The following AFAP1 variants were observed in gnomAD, a reference collection of about 807,000 sequenced individuals.
AFAP1 encodes the protein actin filament-associated protein 1.
Under a neutral mutation model 93.9 loss-of-function variants are expected in AFAP1, and 75 were observed. The ratio of observed to expected loss-of-function variants is 0.80; its 90% confidence interval spans 0.66 to 0.97. The LOEUF (loss-of-function observed/expected upper bound fraction) is 0.97, where lower values mean the gene tolerates loss of function less well. Ranked by LOEUF, AFAP1 falls within the 50% of genes least tolerant of loss-of-function variation. The probability of loss-of-function intolerance (pLI) is 0.00; values close to 1 mark genes in which losing one functional copy is unlikely to be tolerated. For synonymous variants in AFAP1, 517 were observed against 430.7 expected, an observed-to-expected ratio of 1.20 and a Z score of -2.48; for missense variants, 1,201 against 1,050.8, an observed-to-expected ratio of 1.14 and a Z score of -1.98.
intron 1 of AFAP1, among the ~76,000 whole-genome samples, chr4:7,892,195 A>G (rs1010672354): frequency 2.6e-5 from 4 of 152,236 alleles, no homozygotes; most frequent in Non-Finnish European, 4.4e-5. Flanking sequence ...GGCAAATTTC[A>G]GTAGGGGACA....
intron 1 of AFAP1, among the ~76,000 whole-genome samples, chr4:7,929,208 C>A (rs1489137165): frequency 6.6e-6 from 1 of 152,218 alleles, no homozygotes; most frequent in East Asian, 1.9e-4. Flanking sequence ...CATAAAAGTA[C>A]AACTGAGTTC....
At chr4:7,875,620 CA>C (rs796481960) in intron 1 of AFAP1, among the ~76,000 whole-genome samples, 197 of 69,274 alleles carry the variant, frequency 2.8e-3, no homozygotes, top group Middle Eastern at 9.8e-3. Flanking sequence ...CCCTGACTCT[CA>C]AAAAAAAAAT....
intron 3 of AFAP1, among the ~76,000 whole-genome samples, chr4:7,867,595 G>C (rs945830218): frequency 3.3e-5 from 5 of 152,276 alleles, no homozygotes; most frequent in African/African-American, 1.2e-4. Flanking sequence ...TGCAATCTCT[G>C]CCCCCTCTAC....
chr4:7,830,145 T>C (rs1424262323), intron 6 of AFAP1, among the ~76,000 whole-genome samples: 1 of 152,050 alleles, frequency 6.6e-6, no homozygotes, highest in African/African-American at 2.4e-5. Flanking sequence ...ACCCTTTCTA[T>C]GGGGCGGGGC....
intron 3 of AFAP1, among the ~76,000 whole-genome samples, chr4:7,861,540 T>C (rs746586538): frequency 1.1e-4 from 16 of 152,234 alleles, no homozygotes; most frequent in South Asian, 6.2e-4. Context: ...ACTGGGAAGA[T>C]TGTCTCACAT....
intron 11 of AFAP1, among the ~76,000 whole-genome samples, chr4:7,792,344 T>A (rs1343036126): frequency 6.6e-6 from 1 of 151,706 alleles, no homozygotes; most frequent in Admixed American, 6.6e-5. Context: ...TTATACAACA[T>A]CAAAAAAAAC....
At chr4:7,926,800 A>T (rs184598643) in intron 1 of AFAP1, among the ~76,000 whole-genome samples, 1 of 152,164 alleles carries the variant, frequency 6.6e-6, no homozygotes, top group Non-Finnish European at 1.5e-5. Flanking sequence ...GCAGCAGCGC[A>T]CTATTAGCTC....
chr4:7,920,347 C>G (rs1458456817), intron 1 of AFAP1, among the ~76,000 whole-genome samples: 1 of 152,108 alleles, frequency 6.6e-6, no homozygotes, highest in East Asian at 1.9e-4. Context: ...CATATTCAAC[C>G]CATATACTCT....
At chr4:7,852,420 G>A (rs1560199791) in intron 4 of AFAP1, among the ~76,000 whole-genome samples, 1 of 152,206 alleles carries the variant, frequency 6.6e-6, no homozygotes, top group Non-Finnish European at 1.5e-5. Flanking sequence ...GGCTCCTGCA[G>A]TGGCTGAGGT....
chr4:7,769,391 G>A (rs748692892), intron 16 of AFAP1, among the ~76,000 whole-genome samples: 6 of 152,196 alleles, frequency 3.9e-5, no homozygotes, highest in Admixed American at 3.3e-4. Context: ...TGGGGTCAGC[G>A]CCCTAGAGAT....
At chr4:7,917,383 G>C (rs537630059) in intron 1 of AFAP1, among the ~76,000 whole-genome samples, 19 of 152,314 alleles carry the variant, frequency 1.2e-4, no homozygotes, top group Middle Eastern at 3.4e-3. Context: ...CACTGGAAAA[G>C]ATCTGGAAGG....
At chr4:7,788,890 G>GC (rs1463239425) in intron 11 of AFAP1, 10 of 152,408 alleles carry the variant, frequency 6.6e-5, no homozygotes, top group Non-Finnish European at 1.3e-4. Flanking sequence ...TCCAGCATAT[G>GC]CCCTGCACTC....
chr4:7,784,079 C>CTT (rs10633029), intron 12 of AFAP1, among the ~76,000 whole-genome samples: 128,294 of 151,918 alleles, frequency 0.84, 54,561 homozygotes, highest in African/African-American at 0.94. Flanking sequence ...TGAGAGCCTG[C>CTT]CACAGGCTGG....
rs1714409322 is a variant in AFAP1, at chr4:7,851,307, G to GTT, written c.334+4158_334+4159insAA. ...GGCACTCCATCCTCAAGTCAAAGCGGGTGTGTGACAGCAGGCTCCATCCAC... is the reference window on the plus strand; with the variant it reads ...GGCACTCCATCCTCAAGTCAAAGCGGTTGTGTGTGACAGCAGGCTCCATCCAC... On this transcript the variant is annotated intron_variant, in intron 4 of 17. Transcript: ENST00000420658. Among the ~76,000 whole-genome samples the GTT allele has an allele frequency of 2.0e-5, 3 of 152,232 alleles. No individual in the cohort carries two copies. The East Asian group carries it at 5.8e-4, about 29-fold the overall frequency.
In AFAP1 at chr4:7,762,719, T is replaced by TGGAGGA; in HGVS notation, c.*1040_*1045dup. 6.6e-6 allele frequency: 1 copy of TGGAGGA among 152,424 alleles called. No homozygotes were observed. Among genetic ancestry groups the TGGAGGA allele is most frequent in the East Asian group, 1.9e-4 (1 of 5,176 alleles). 9.4% of individuals were successfully genotyped at this position (152,424 alleles called of 1,614,324 possible). A position where few individuals can be genotyped will look rare whatever the true frequency, so the allele number is the denominator to read the frequency against. On this transcript the variant is annotated 3_prime_UTR_variant, in exon 18 of 18. Coordinates refer to ENST00000420658, the MANE Select transcript of AFAP1 (RefSeq NM_001134647.2). Reference sequence around the variant, plus strand: ...ACATTAGTGGTTTAACTTGACAAGCTGGAGGAAGGGGAGGGGCAGGAGGCC... The same window carrying TGGAGGA: ...ACATTAGTGGTTTAACTTGACAAGCTGGAGGAGGAGGAAGGGGAGGGGCAGGAGGCC...
At chr4:7,778,562 C>T in intron 14 of AFAP1, 200 bp downstream of exon 14, 1 of 620,492 alleles carries the variant, frequency 1.6e-6, no homozygotes, top group South Asian at 1.9e-5. Flanking sequence ...TTCTGGGCTT[C>T]AATTTACAAG....
intron 10 of AFAP1, among the ~76,000 whole-genome samples, chr4:7,797,584 T>C (rs1191615099): frequency 6.6e-6 from 1 of 152,164 alleles, no homozygotes; most frequent in Non-Finnish European, 1.5e-5. Flanking sequence ...GTGTCAATGA[T>C]GTTGTCGAGG....
chr4:7,769,218 G>T (rs1207842660), intron 16 of AFAP1, among the ~76,000 whole-genome samples: 1 of 152,230 alleles, frequency 6.6e-6, no homozygotes, highest in Non-Finnish European at 1.5e-5. Flanking sequence ...CCGACGGGCA[G>T]GTGGAGGCTC....
intron 4 of AFAP1, among the ~76,000 whole-genome samples, chr4:7,844,117 C>T (rs949918405): frequency 1.3e-5 from 2 of 152,192 alleles, no homozygotes; most frequent in Non-Finnish European, 1.5e-5. Context: ...CCCTGAATCA[C>T]CAAAGCTGGG....
Sources: allele counts gnomAD v4.1 joint callset (sites outside exome capture counted in the v4.1 genomes callset), GRCh38; gene constraint gnomAD v4.1.1; transcripts MANE v1.5; gene names NCBI Gene and HGNC (gene_info 2026-07-23, HGNC 2026-07-21).